The following FBLN2 variants were observed in gnomAD, a reference collection of about 807,000 sequenced individuals.
The protein encoded by FBLN2 is fibulin 2.
FBLN2 carries 81 observed loss-of-function variants against 123.7 expected under a neutral mutation model. The observed-to-expected ratio is 0.65, with a 90% CI of 0.55 to 0.79. FBLN2 has a LOEUF of 0.79. FBLN2 is among the 30% of genes least tolerant of loss of function. The probability of loss-of-function intolerance (pLI) is 0.00; values close to 1 mark genes in which losing one functional copy is unlikely to be tolerated. For synonymous variants in FBLN2, 699 were observed against 701.4 expected, an observed-to-expected ratio of 1.00 and a Z score of 0.05; for missense variants, 1,603 against 1,681.3, an observed-to-expected ratio of 0.95 and a Z score of 0.81.
intron 1 of FBLN2, among the ~76,000 whole-genome samples, chr3:13,563,377 G>A (rs1022086024): frequency 6.6e-6 from 1 of 152,262 alleles, no homozygotes; most frequent in African/African-American, 2.4e-5. Flanking sequence ...GCTGGCAGGT[G>A]TCACTTCCCC....
chr3:13,621,809 T>A lies in FBLN2; in HGVS notation c.2190T>A (p.Cys730Ter). ...QDECLMGAHD[C>*]SRRQFCVNTL... ...AGTGCCTGATGGGTGCTCACGATTG[T>A]AGCCGGCGACAGTTCTGTGTGAACA... Residue 730 changes from cysteine (C) to a stop codon, truncating the protein, a stop_gained, in exon 9 of 18, where the codon TGT (cysteine) becomes TGA (stop). Coordinates refer to ENST00000404922, the MANE Select transcript of FBLN2 (RefSeq NM_001004019.2). LOFTEE classifies it high-confidence loss of function. 6.2e-7 allele frequency: 1 copy of A among 1,614,016 alleles called. No individual in the cohort carries two copies. The highest frequency in any genetic ancestry group is 8.5e-7 in the Non-Finnish European group (1 of 1,179,870).
rs77832648 is a variant in FBLN2, at chr3:13,569,596, A to T, written c.-41-719A>T. 6.0e-3 allele frequency among the ~76,000 whole-genome samples: 909 copies of T among 151,416 alleles called. 10 individuals carry two copies. Among genetic ancestry groups the T allele is most frequent in the African/African-American group, 0.021 (850 of 41,184 alleles). The stretch of plus-strand genomic sequence containing the variant: ...TAGGGACAGCAAGGCATCAGGATGC[A>T]TTTGCCAGTGCTACTGGGGAGGGGG... On this transcript the variant is annotated intron_variant, in intron 1 of 17. Transcript: ENST00000404922.
chr3:13,631,220 A>G (rs1706243851), intron 15 of FBLN2, 109 bp from the exon 16 acceptor site: 1 of 1,358,436 alleles, frequency 7.4e-7, no homozygotes, highest in Admixed American at 2.5e-5. Context: ...GTCTTCATTT[A>G]AAAAATGGGC....
At chr3:13,592,038 A>C (rs371967591) in intron 2 of FBLN2, among the ~76,000 whole-genome samples, 7 of 70,252 alleles carry the variant, frequency 1.0e-4, no homozygotes, top group Non-Finnish European at 1.8e-4. Flanking sequence ...TTTTTTTTTT[A>C]TTTTGAGCCA....
intron 2 of FBLN2, among the ~76,000 whole-genome samples, chr3:13,571,932 G>T (rs902702672): frequency 2.2e-4 from 33 of 152,174 alleles, no homozygotes; most frequent in African/African-American, 7.7e-4. Flanking sequence ...TAGTGGTCAA[G>T]GGTCCAGAAG....
intron 1 of FBLN2, among the ~76,000 whole-genome samples, chr3:13,559,481 T>G (rs1225299286): frequency 1.3e-5 from 2 of 152,216 alleles, no homozygotes; most frequent in African/African-American, 4.8e-5. Flanking sequence ...AGAAGCTGTT[T>G]GCCCAGTGTT....
At position 13,630,757 on chromosome 3, in the gene FBLN2, C is replaced by T; in HGVS notation, c.3027C>T (p.Ser1009=). ...CSQECANIYG[S]YQCYCRQGYQ... ...AGGAGTGTGCCAACATCTATGGCTC[C>T]TACCAGTGCTACTGCCGCCAGGGCT... Residue 1009 remains serine, a synonymous_variant, in exon 15 of 18, where the codon TCC becomes TCT. Coordinates refer to ENST00000404922, the MANE Select transcript of FBLN2 (RefSeq NM_001004019.2). 1 of 1,610,118 alleles carries T rather than the reference C, an allele frequency of 6.2e-7. No individual in the cohort carries two copies. Among genetic ancestry groups the T allele is most frequent in the Non-Finnish European group, 8.5e-7 (1 of 1,178,568 alleles).
chr3:13,580,252 AT>A (rs967313137), intron 2 of FBLN2, among the ~76,000 whole-genome samples: 7 of 151,326 alleles, frequency 4.6e-5, no homozygotes, highest in South Asian at 4.2e-4. Flanking sequence ...TATGGATGTA[AT>A]TTTTTTTTAT....
chr3:13,630,682 T>G lies in FBLN2; in HGVS notation c.2969-17T>G. ...AGACTTGGGCCCTGCCATGACTGCC[T>G]GCTGGTGTCCCTGCAGACGTGAATG... On this transcript the variant is annotated splice_polypyrimidine_tract_variant and intron_variant, in intron 14 of 17. Transcript: ENST00000404922. 1 of 1,580,024 alleles carries G rather than the reference T, an allele frequency of 6.3e-7. No homozygotes were observed. The highest frequency in any genetic ancestry group is 8.6e-7 in the Non-Finnish European group (1 of 1,160,836).
At position 13,631,324 on chromosome 3, in the gene FBLN2, G is replaced by A. The variant is rs1443775806; in HGVS notation, c.3086-5G>A. The stretch of plus-strand genomic sequence containing the variant: ...TTCACCAGGGGCTGAACCTCTCTCT[G>A]ACAGACATCGACGAGTGTGCTCAAG... On this transcript the variant is annotated splice_region_variant and splice_polypyrimidine_tract_variant and intron_variant, in intron 15 of 17. Coordinates refer to ENST00000404922, the MANE Select transcript of FBLN2 (RefSeq NM_001004019.2). 1 of 1,601,010 alleles carries A rather than the reference G, an allele frequency of 6.2e-7. No homozygotes were observed. Among genetic ancestry groups the A allele is most frequent in the Non-Finnish European group, 8.5e-7 (1 of 1,174,474 alleles).
intron 2 of FBLN2, among the ~76,000 whole-genome samples, chr3:13,600,791 C>T (rs1200473868): frequency 6.6e-6 from 1 of 151,862 alleles, no homozygotes; most frequent in Non-Finnish European, 1.5e-5. Context: ...AATTTTTGTA[C>T]TTTTAGTAGA....
At chr3:13,627,995 A>G (rs756327709) in intron 11 of FBLN2, 26 bp downstream of exon 11, 7 of 1,609,388 alleles carry the variant, frequency 4.3e-6, no homozygotes, top group Non-Finnish European at 5.9e-6. Flanking sequence ...AGGGCTGGGG[A>G]TCATCAGCCT....
intron 1 of FBLN2, among the ~76,000 whole-genome samples, chr3:13,561,072 G>A (rs1440443272): frequency 2.0e-5 from 3 of 152,144 alleles, no homozygotes; most frequent in African/African-American, 4.8e-5. Flanking sequence ...GATACTGCCC[G>A]CCCCCATAGG....
At chr3:13,564,285 TGTGA>T (rs1703683488) in intron 1 of FBLN2, among the ~76,000 whole-genome samples, 1 of 152,270 alleles carries the variant, frequency 6.6e-6, no homozygotes, top group Middle Eastern at 3.4e-3. Context: ...CTGTCTTGTC[TGTGA>T]GTGTCTTGTG....
At chr3:13,593,106 T>C (rs1325642347) in intron 2 of FBLN2, among the ~76,000 whole-genome samples, 8 of 152,088 alleles carry the variant, frequency 5.3e-5, no homozygotes, top group African/African-American at 1.9e-4. Context: ...CAGCCCAGAT[T>C]CAACAGGTGG....
chr3:13,636,306 C>A, intron 16 of FBLN2, 139 bp from the exon 17 acceptor site: 1 of 980,326 alleles, frequency 1.0e-6, no homozygotes, highest in Non-Finnish European at 1.5e-6. Flanking sequence ...TGAGATGGGG[C>A]ATGTGTGTGC....
At chr3:13,566,071 G>C (rs1272966890) in intron 1 of FBLN2, among the ~76,000 whole-genome samples, 1 of 152,228 alleles carries the variant, frequency 6.6e-6, no homozygotes, top group African/African-American at 2.4e-5. Context: ...GTGACTGCCT[G>C]GCTGGCCACC....
chr3:13,576,720 T>TGCCCC (rs1012315095), intron 2 of FBLN2, among the ~76,000 whole-genome samples: 1 of 135,870 alleles, frequency 7.4e-6, no homozygotes, highest in African/African-American at 2.8e-5. Context: ...GTCAGGGGGA[T>TGCCCC]CCCCCCCCCC....
At position 13,626,658 on chromosome 3, in the gene FBLN2, T is replaced by C. The variant is rs1019181529; in HGVS notation, c.2431+79T>C. Reference sequence around the variant, plus strand: ...CCCCGCCCCTCCCTGGTCCCACCCCTGTCCTGCCCTGGCCACCCTTAGGCC... The same window carrying C: ...CCCCGCCCCTCCCTGGTCCCACCCCCGTCCTGCCCTGGCCACCCTTAGGCC... On this transcript the variant is annotated intron_variant, in intron 10 of 17. Transcript: ENST00000404922. 7.4e-6 allele frequency: 10 copies of C among 1,354,020 alleles called. No individual in the cohort carries two copies. The African/African-American group carries it at 1.4e-4, about 20-fold the overall frequency. The allele number at this position is 1,354,020 out of a possible 1,614,324, so 83.9% of individuals were successfully genotyped here.
Sources: gnomAD v4.1 joint callset for allele counts (sites outside exome capture counted in the v4.1 genomes callset) on GRCh38, gnomAD v4.1.1 for gene constraint, MANE v1.5 for transcripts, NCBI Gene and HGNC (gene_info 2026-07-23, HGNC 2026-07-21) for gene names.